The following GDNF variants were observed in gnomAD, a reference collection of about 807,000 sequenced individuals.
GDNF encodes the protein glial cell derived neurotrophic factor.
GDNF carries 5 observed loss-of-function variants against 13.7 expected under a neutral mutation model. The observed-to-expected ratio is 0.36, with a 90% confidence interval of 0.19 to 0.77. The LOEUF (loss-of-function observed/expected upper bound fraction) is 0.77. GDNF is among the 30% of genes least tolerant of loss of function. The pLI is 0.51. For synonymous variants in GDNF, 122 were observed against 112.5 expected, an observed-to-expected ratio of 1.08 and a Z score of -0.53; for missense variants, 246 against 274.3, an observed-to-expected ratio of 0.90 and a Z score of 0.73.
rs1310388217 is a variant in GDNF, at chr5:37,838,914, G to C, written c.-27+593C>G. ...CTAACCTCGACGGGGATGGTTAGTTGGGGTGGAGGGCGTTAGGAACGTGCA... is the reference window on the plus strand; with the variant it reads ...CTAACCTCGACGGGGATGGTTAGTTCGGGTGGAGGGCGTTAGGAACGTGCA... On this transcript the variant is annotated intron_variant, in intron 1 of 2. Transcript: ENST00000326524. This position sits in a 1 kb window ranked among gnomAD's most constrained non-coding sequence, Gnocchi z 4.1. Among the ~76,000 whole-genome samples the C allele has an allele frequency of 1.2e-4, 18 of 152,176 alleles. No individual in the cohort carries two copies. The highest frequency in any genetic ancestry group is 1.5e-5 in the Non-Finnish European group (1 of 68,028).
At chr5:37,828,766 A>G (rs1330673229) in intron 2 of GDNF, among the ~76,000 whole-genome samples, 1 of 152,236 alleles carries the variant, frequency 6.6e-6, no homozygotes, top group Non-Finnish European at 1.5e-5. Context: ...CAGGACAAGA[A>G]CTGTGTTCAT....
chr5:37,833,943 A>G (rs1750608972), intron 2 of GDNF, among the ~76,000 whole-genome samples: 3 of 152,238 alleles, frequency 2.0e-5, no homozygotes, highest in Non-Finnish European at 4.4e-5. Flanking sequence ...TAAATCACAG[A>G]CTTATTTTCT....
intron 2 of GDNF, among the ~76,000 whole-genome samples, chr5:37,818,519 T>A (rs1161535961): frequency 6.6e-6 from 1 of 152,188 alleles, no homozygotes; most frequent in East Asian, 1.9e-4. Context: ...CTTTCCTTTA[T>A]AAATTACCCA....
At chr5:37,829,221 A>G (rs972387408) in intron 2 of GDNF, among the ~76,000 whole-genome samples, 1 of 152,178 alleles carries the variant, frequency 6.6e-6, no homozygotes, top group South Asian at 2.1e-4. Context: ...CATCATGGTC[A>G]CAAATTTTCC....
At chr5:37,826,868 A>G (rs947851176) in intron 2 of GDNF, among the ~76,000 whole-genome samples, 12 of 152,156 alleles carry the variant, frequency 7.9e-5, no homozygotes, top group Admixed American at 2.0e-4. Flanking sequence ...CTATCTAGCC[A>G]TTCTATTGTG....
At position 37,839,260 on chromosome 5, in the gene GDNF, G is replaced by T. The variant is rs2089673149; in HGVS notation, c.-27+247C>A. On this transcript the variant is annotated intron_variant, in intron 1 of 2. Transcript: ENST00000326524. This position sits in a 1 kb window ranked among gnomAD's most constrained non-coding sequence, Gnocchi z 5.5. The stretch of plus-strand genomic sequence containing the variant: ...GCATTCCGGGTCCAGGCGCATCTGG[G>T]GCTCCACAGATCTTTGCCCACGTGG... 1.3e-5 allele frequency among the ~76,000 whole-genome samples: 2 copies of T among 152,174 alleles called. No homozygotes were observed. Among genetic ancestry groups the T allele is most frequent in the African/African-American group, 4.8e-5 (2 of 41,456 alleles).
intron 2 of GDNF, among the ~76,000 whole-genome samples, chr5:37,820,314 TA>T (rs1561128704): frequency 6.6e-6 from 1 of 152,246 alleles, no homozygotes; most frequent in African/African-American, 2.4e-5. Context: ...TTTTTATTAC[TA>T]GAGTTACAAT....
At chr5:37,828,175 T>G (rs1468274820) in intron 2 of GDNF, among the ~76,000 whole-genome samples, 3 of 152,196 alleles carry the variant, frequency 2.0e-5, no homozygotes, top group Admixed American at 2.0e-4. Flanking sequence ...ATCCCCTCGC[T>G]GGGCAGAATG....
chr5:37,816,269 G>A, intron 2 of GDNF, 134 bp from the exon 3 acceptor site: 1 of 822,576 alleles, frequency 1.2e-6, no homozygotes, highest in East Asian at 2.6e-5. Flanking sequence ...TAAGCTATAG[G>A]ACCACTGTAA....
At chr5:37,820,090 A>T (rs942112339) in intron 2 of GDNF, among the ~76,000 whole-genome samples, 2 of 152,222 alleles carry the variant, frequency 1.3e-5, no homozygotes, top group Non-Finnish European at 2.9e-5. Flanking sequence ...AAGGACTCAC[A>T]TCATAGGCTC....
intron 2 of GDNF, among the ~76,000 whole-genome samples, chr5:37,828,389 T>C (rs889393485): frequency 1.3e-5 from 2 of 152,248 alleles, no homozygotes; most frequent in African/African-American, 4.8e-5. Flanking sequence ...TAGTCATTAG[T>C]AATACTGGCT....
At chr5:37,836,970 C>T (rs1308890443) in intron 1 of GDNF, among the ~76,000 whole-genome samples, 1 of 152,252 alleles carries the variant, frequency 6.6e-6, no homozygotes, top group Non-Finnish European at 1.5e-5. Flanking sequence ...TTCCCGCCCT[C>T]GGCCGAGCGC....
chr5:37,827,333 G>A (rs1750362011), intron 2 of GDNF, among the ~76,000 whole-genome samples: 1 of 152,104 alleles, frequency 6.6e-6, no homozygotes, highest in Admixed American at 6.5e-5. Flanking sequence ...ACTGAATTGT[G>A]GCTATATAAG....
At chr5:37,826,889 C>T (rs1047954002) in intron 2 of GDNF, among the ~76,000 whole-genome samples, 2 of 152,172 alleles carry the variant, frequency 1.3e-5, no homozygotes, top group African/African-American at 4.8e-5. Context: ...GGGCCTGTCC[C>T]AGGGATAAAC....
Position 37,815,763 on chromosome 5 carries a change from C to G in GDNF, c.524G>C (p.Gly175Ala), listed in dbSNP as rs760097344. The G allele has an allele frequency of 1.9e-5, 31 of 1,613,950 alleles. No individual in the cohort carries two copies. Among genetic ancestry groups the G allele is most frequent in the Non-Finnish European group, 2.6e-5 (31 of 1,180,002 alleles). ...RNRRLVSDKV[G>A]QACCRPIAFD... ...GGCGATGGGTCTGCAACATGCCTGC[C>G]CTACTTTGTCACTCACCAGCCTTCT... Residue 175 changes from glycine (G) to alanine (A), a missense_variant, in exon 3 of 3, where the codon GGG (glycine) becomes GCG (alanine). Physicochemically the swap from Gly to Ala is moderately conservative, Grantham distance 60 (BLOSUM62 0). Coordinates refer to ENST00000326524, the MANE Select transcript of GDNF (RefSeq NM_000514.4). The surrounding 1 kb of genome is among the most constrained non-coding windows in gnomAD (Gnocchi z 5.0).
At chr5:37,834,034 A>AC (rs1750611603) in intron 2 of GDNF, among the ~76,000 whole-genome samples, 1 of 152,206 alleles carries the variant, frequency 6.6e-6, no homozygotes, top group South Asian at 2.1e-4. Flanking sequence ...CCCTAGTCCC[A>AC]GCCAGCACTA....
chr5:37,815,299 C>T lies in GDNF; in HGVS notation c.*352G>A, dbSNP rs767561340. On this transcript the variant is annotated 3_prime_UTR_variant, in exon 3 of 3. Transcript: ENST00000326524. This position sits in a 1 kb window ranked among gnomAD's most constrained non-coding sequence, Gnocchi z 5.0. ...TTGGTTCAAGTGCATCCACCGCAAC[C>T]GCGCCGGTAATCAGTGATGGTGGAC... 7.5e-5 allele frequency: 27 copies of T among 358,162 alleles called. No homozygotes were observed. The highest frequency in any genetic ancestry group is 4.0e-4 in the South Asian group (14 of 34,964). 22.2% of individuals were successfully genotyped at this position (358,162 alleles called of 1,614,324 possible).
intron 2 of GDNF, among the ~76,000 whole-genome samples, chr5:37,819,006 G>A (rs764553178): frequency 6.6e-6 from 1 of 151,998 alleles, no homozygotes; most frequent in Non-Finnish European, 1.5e-5. Context: ...TTTATAGTCT[G>A]TCTTCTCTAA....
At chr5:37,823,194 G>A (rs1380703357) in intron 2 of GDNF, 1 of 152,188 alleles carries the variant, frequency 6.6e-6, no homozygotes, top group Non-Finnish European at 1.5e-5. Context: ...GAAGTCCATA[G>A]GACTAATAAA....
Sources: gnomAD v4.1 joint callset for allele counts (sites outside exome capture counted in the v4.1 genomes callset) on GRCh38, gnomAD v4.1.1 for gene constraint, Gnocchi (gnomAD v3.1) non-coding constraint, MANE v1.5 for transcripts, NCBI Gene and HGNC (gene_info 2026-07-23, HGNC 2026-07-21) for gene names.